NCAM1: variants seen among roughly 807,000 people sequenced by gnomAD.
The protein encoded by NCAM1 is antigen recognized by monoclonal antibody 5.1H11.
Under a neutral mutation model 109.8 loss-of-function variants are expected in NCAM1, and 14 were observed. The observed-to-expected ratio is 0.13, with a 90% CI of 0.08 to 0.20. The LOEUF (loss-of-function observed/expected upper bound fraction) is 0.20. Ranked by LOEUF, NCAM1 falls within the 10% of genes least tolerant of loss-of-function variation. NCAM1 has a pLI of 1.00. For missense variants in NCAM1, 774 were observed against 1,109.9 expected (o/e 0.70, Z 4.30); for synonymous variants, 418 against 442.9 (o/e 0.94, Z 0.70).
intron 1 of NCAM1, among the ~76,000 whole-genome samples, chr11:113,037,163 A>G (rs572706727): frequency 1.3e-5 from 2 of 152,292 alleles, no homozygotes; most frequent in South Asian, 4.1e-4. Flanking sequence ...GCATTTTGAG[A>G]TTCACAAAGT....
intron 1 of NCAM1, among the ~76,000 whole-genome samples, chr11:113,144,802 C>T (rs555371808): frequency 5.9e-5 from 9 of 152,122 alleles, no homozygotes; most frequent in East Asian, 1.9e-4. Context: ...AAGGATGAAA[C>T]GAAATCACAA....
intron 1 of NCAM1, among the ~76,000 whole-genome samples, chr11:112,997,771 A>T (rs1951634317): frequency 6.6e-6 from 1 of 152,206 alleles, no homozygotes; most frequent in Non-Finnish European, 1.5e-5. Flanking sequence ...ATAAAGTAAT[A>T]AGTTATCCCC....
chr11:113,172,606 G>A (rs1943029302), intron 1 of NCAM1, among the ~76,000 whole-genome samples: 1 of 152,234 alleles, frequency 6.6e-6, no homozygotes, highest in South Asian at 2.1e-4. Context: ...GTTGGAGACA[G>A]ACTGGCATTT....
chr11:113,194,684 T>C (rs782700386), intron 1 of NCAM1, among the ~76,000 whole-genome samples: 33 of 152,162 alleles, frequency 2.2e-4, no homozygotes, highest in Non-Finnish European at 4.9e-4. Context: ...CCGCCTTTTG[T>C]CTCAAATTCT....
intron 1 of NCAM1, among the ~76,000 whole-genome samples, chr11:113,064,503 C>T (rs1937852051): frequency 6.6e-6 from 1 of 152,002 alleles, no homozygotes; most frequent in African/African-American, 2.4e-5. Flanking sequence ...AATTATTTTT[C>T]CTTAAACTAT....
intron 1 of NCAM1, among the ~76,000 whole-genome samples, chr11:113,187,563 C>CTGTGTGTGTGTGTGTGTG (rs33947463): frequency 6.8e-6 from 1 of 147,138 alleles, no homozygotes; most frequent in African/African-American, 2.5e-5. Context: ...GTGTGTGTTT[C>CTGTGTGTGTGTGTGTGTG]TGTGTGTGTG....
chr11:113,205,893 G>GTA, intron 4 of NCAM1, 150 bp from the exon 5 acceptor site: 1 of 1,103,912 alleles, frequency 9.1e-7, no homozygotes, highest in Non-Finnish European at 1.3e-6. Context: ...ACTCTTGGCT[G>GTA]TATTTCAAAG....
intron 8 of NCAM1, among the ~76,000 whole-genome samples, chr11:113,216,961 T>C (rs1283285613): frequency 5.3e-5 from 8 of 152,178 alleles, no homozygotes; most frequent in African/African-American, 1.9e-4. Flanking sequence ...CCGAAGTTGC[T>C]TCTATATAAT....
At chr11:113,091,017 G>T (rs1375528855) in intron 1 of NCAM1, among the ~76,000 whole-genome samples, 1 of 152,210 alleles carries the variant, frequency 6.6e-6, no homozygotes. Flanking sequence ...ATAGGGAAAA[G>T]AAAGTATAGA....
At chr11:113,131,446 A>G (rs1273347515) in intron 1 of NCAM1, among the ~76,000 whole-genome samples, 3 of 152,208 alleles carry the variant, frequency 2.0e-5, no homozygotes, top group Non-Finnish European at 4.4e-5. Flanking sequence ...GTAAGGAACA[A>G]CACACATGCA....
At chr11:113,110,333 C>A (rs1164092919) in intron 1 of NCAM1, among the ~76,000 whole-genome samples, 1 of 152,128 alleles carries the variant, frequency 6.6e-6, no homozygotes, top group African/African-American at 2.4e-5. Context: ...TCATTTCACC[C>A]CAGAATCTCT....
intron 1 of NCAM1, among the ~76,000 whole-genome samples, chr11:113,071,744 C>G (rs1214879054): frequency 6.6e-6 from 1 of 152,198 alleles, no homozygotes; most frequent in South Asian, 2.1e-4. Context: ...TGGAATTGTA[C>G]TGAGAACCTG....
At chr11:113,178,399 G>T (rs1407483086) in intron 1 of NCAM1, among the ~76,000 whole-genome samples, 2 of 152,188 alleles carry the variant, frequency 1.3e-5, no homozygotes, top group African/African-American at 4.8e-5. Flanking sequence ...CTACCTTTCT[G>T]CCCTGAGAGA....
chr11:113,090,468 C>T (rs1555089148), intron 1 of NCAM1, among the ~76,000 whole-genome samples: 1 of 152,182 alleles, frequency 6.6e-6, no homozygotes, highest in East Asian at 1.9e-4. Context: ...AATGAATGAA[C>T]TCTTGAACTT....
chr11:113,272,130 T>C (rs1168656045), intron 19 of NCAM1, among the ~76,000 whole-genome samples: 2 of 152,144 alleles, frequency 1.3e-5, no homozygotes, highest in Admixed American at 6.5e-5. Flanking sequence ...CCCTAGCCCC[T>C]GTTCTCAAGT....
At chr11:113,206,305 C>A (rs1591416903) in intron 5 of NCAM1, 125 bp downstream of exon 5, 1 of 969,870 alleles carries the variant, frequency 1.0e-6, no homozygotes, top group East Asian at 2.9e-5. Flanking sequence ...TCCGTCTGAG[C>A]TAAATCCCCT....
intron 9 of NCAM1, among the ~76,000 whole-genome samples, chr11:113,222,216 G>A (rs782613282): frequency 7.9e-5 from 12 of 152,152 alleles, no homozygotes; most frequent in Non-Finnish European, 1.2e-4. Flanking sequence ...GGCTTTGATC[G>A]TGTAATGCTA....
At chr11:113,208,547 CCTT>C (rs1378272488) in intron 7 of NCAM1, among the ~76,000 whole-genome samples, 3 of 151,898 alleles carry the variant, frequency 2.0e-5, no homozygotes, top group African/African-American at 7.3e-5. Context: ...CTCTGAGCTG[CCTT>C]CTTCTGATCC....
intron 1 of NCAM1, among the ~76,000 whole-genome samples, chr11:113,167,357 T>C (rs1942838632): frequency 6.6e-6 from 1 of 151,922 alleles, no homozygotes; most frequent in Non-Finnish European, 1.5e-5. Context: ...CAGTCTGGGG[T>C]GCCATGAGGG....
Sources: gnomAD v4.1 joint callset for allele counts (sites outside exome capture counted in the v4.1 genomes callset) on GRCh38, gnomAD v4.1.1 for gene constraint, MANE v1.5 for transcripts, NCBI Gene and HGNC (gene_info 2026-07-23, HGNC 2026-07-21) for gene names.